Variants in F7 observed in about 807,000 individuals in gnomAD.
F7 encodes FVII coagulation protein.
A neutral mutation model predicts 47.5 loss-of-function variants in F7; 38 were observed. That is an observed-to-expected ratio of 0.80 (90% CI 0.62 to 1.05). F7 has a LOEUF of 1.05. Ranked by LOEUF, F7 falls within the 50% of genes least tolerant of loss-of-function variation. The pLI is 0.00. For missense variants in F7, 575 were observed against 605.4 expected, an observed-to-expected ratio of 0.95 and a Z score of 0.53; for synonymous variants, 244 against 258.5, an observed-to-expected ratio of 0.94 and a Z score of 0.54.
rs545778020 is a variant in F7, at chr13:113,106,188, C to T, written c.64+283C>T. Among the ~76,000 whole-genome samples, 21 of 145,276 alleles carry T rather than the reference C, an allele frequency of 1.4e-4. 1 individual carries two copies. The highest frequency in any genetic ancestry group is 2.9e-4 in the Non-Finnish European group (19 of 66,542). ...CCCCATGGGCCCCTGCCTGTGAGGTCGGACAAGCGCAGGGAGTCTGGGGCC... is the reference window on the plus strand; with the variant it reads ...CCCCATGGGCCCCTGCCTGTGAGGTTGGACAAGCGCAGGGAGTCTGGGGCC... On this transcript the variant is annotated intron_variant, in intron 1 of 7. Transcript: ENST00000346342.
At chr13:113,110,468 C>T (rs1257691879) in intron 1 of F7, 2 of 553,748 alleles carry the variant, frequency 3.6e-6, no homozygotes, top group Non-Finnish European at 6.1e-6. Context: ...TCGGGATCAG[C>T]CCCCGGAAGC....
chr13:113,113,164 C>G lies in F7; in HGVS notation c.226-588C>G, dbSNP rs1167977576. ...TCAGGACACCTCATGCTCAAAGAAG[C>G]CTCACACTCACAGGAGGTCCAGCTG... On this transcript the variant is annotated intron_variant, in intron 2 of 7. Coordinates refer to ENST00000346342, the MANE Select transcript of F7 (RefSeq NM_019616.4). The surrounding 1 kb of genome is among the most constrained non-coding windows in gnomAD (Gnocchi z 4.1). Among the ~76,000 whole-genome samples, 2 of 152,166 alleles carry G rather than the reference C, an allele frequency of 1.3e-5. No individual in the cohort carries two copies. Among genetic ancestry groups the G allele is most frequent in the Non-Finnish European group, 2.9e-5 (2 of 68,028 alleles).
At position 113,119,263 on chromosome 13, in the gene F7, A is replaced by G; in HGVS notation, c.*255A>G. ...ACTAATAGAGACACAGAGATGGAAT[A>G]GAAAAGATGAGAGGCAGAGGCAGAC... On this transcript the variant is annotated 3_prime_UTR_variant, in exon 8 of 8. Transcript: ENST00000346342. The G allele has an allele frequency of 1.8e-6, 1 of 541,822 alleles. No homozygotes were observed. The highest frequency in any genetic ancestry group is 3.3e-6 in the Non-Finnish European group (1 of 304,850). The allele number at this position is 541,822 out of a possible 1,614,324, so 33.6% of individuals were successfully genotyped here. A position where few individuals can be genotyped will look rare whatever the true frequency, so the allele number is the denominator to read the frequency against.
chr13:113,118,422 A>G lies in F7; in HGVS notation c.749A>G (p.Asp250Gly). Reference sequence around the variant, plus strand: ...GGCTTCTTCCTTCCAGGCGAGCACGACCTCAGCGAGCACGACGGGGATGAG... The same window carrying G: ...GGCTTCTTCCTTCCAGGCGAGCACGGCCTCAGCGAGCACGACGGGGATGAG... ...RNLIAVLGEH[D>G]LSEHDGDEQS... The change falls in exon 8 of 8, where the codon GAC (aspartate) becomes GGC (glycine). Residue 250 changes from aspartate (D) to glycine (G), a missense_variant. Physicochemically the swap from Asp to Gly is moderately conservative, Grantham distance 94 (BLOSUM62 -1). Transcript: ENST00000346342. 6.3e-7 allele frequency: 1 copy of G among 1,596,092 alleles called. No homozygotes were observed. Among genetic ancestry groups the G allele is most frequent in the Non-Finnish European group, 8.5e-7 (1 of 1,171,658 alleles).
intron 1 of F7, among the ~76,000 whole-genome samples, chr13:113,109,423 C>T (rs1211650067): frequency 1.3e-5 from 2 of 152,130 alleles, no homozygotes; most frequent in African/African-American, 4.8e-5. Context: ...CCAAACCAGA[C>T]CAGTTCTCTA....
chr13:113,120,295 C>T lies in F7; in HGVS notation c.*1287C>T, dbSNP rs931561012. On this transcript the variant is annotated 3_prime_UTR_variant, in exon 8 of 8. Transcript: ENST00000346342. ...TCAAGAGTCAGGGACACACGCATCACTAAATGCAAGTTCCCAGGCCCTGGC... is the reference window on the plus strand; with the variant it reads ...TCAAGAGTCAGGGACACACGCATCATTAAATGCAAGTTCCCAGGCCCTGGC... 1 of 152,330 alleles carries T rather than the reference C, an allele frequency of 6.6e-6. No individual in the cohort carries two copies. The highest frequency in any genetic ancestry group is 1.5e-5 in the Non-Finnish European group (1 of 68,084). 9.4% of individuals were successfully genotyped at this position (152,330 alleles called of 1,614,324 possible). A position where few individuals can be genotyped will look rare whatever the true frequency, so the allele number is the denominator to read the frequency against.
At chr13:113,116,598 C>A (rs755038915) in intron 5 of F7, among the ~76,000 whole-genome samples, 168 bp from the exon 6 acceptor site, 1 of 152,226 alleles carries the variant, frequency 6.6e-6, no homozygotes, top group Middle Eastern at 3.2e-3. Flanking sequence ...CAGGCCCAGC[C>A]GAGGCCCTGC....
intron 1 of F7, 187 bp from the exon 2 acceptor site, chr13:113,110,503 G>C: frequency 1.4e-6 from 1 of 717,876 alleles, no homozygotes; most frequent in Non-Finnish European, 2.2e-6. Context: ...GGGAAGGATG[G>C]GCGACGGGGG....
In F7 at chr13:113,117,589, G is replaced by A. The variant is rs758103521; in HGVS notation, c.732G>A (p.Ala244=). ...DKIKNWRNLI[A]VLGEHDLSEH... is the part of the protein sequence containing the mutation. ...TCAAGAACTGGAGGAACCTGATCGC[G>A]GTGCTGGGTGGGTACCACTCTCCCC... The change falls in exon 7 of 8, where the codon GCG becomes GCA. Residue 244 remains alanine (A), a synonymous_variant. Transcript: ENST00000346342. 1.1e-5 allele frequency: 17 copies of A among 1,602,624 alleles called. No individual in the cohort carries two copies. The highest frequency in any genetic ancestry group is 4.0e-5 in the African/African-American group (3 of 74,818).
Position 113,119,636 on chromosome 13 carries a change from TC to T in F7, c.*629del, listed in dbSNP as rs2036267183. 1 of 162,112 alleles carries T rather than the reference TC, an allele frequency of 6.2e-6. No individual in the cohort carries two copies. Among genetic ancestry groups the T allele is most frequent in the Admixed American group, 6.0e-5 (1 of 16,770 alleles). The allele number at this position is 162,112 out of a possible 1,614,324, so 10.0% of individuals were successfully genotyped here. Reference sequence around the variant, plus strand: ...ACGCACATGCCAATGCACGCACACATCAGTGCACACGGATGCACAGAGATAT... The same window carrying T: ...ACGCACATGCCAATGCACGCACACATAGTGCACACGGATGCACAGAGATAT... On this transcript the variant is annotated 3_prime_UTR_variant, in exon 8 of 8. Coordinates refer to ENST00000346342, the MANE Select transcript of F7 (RefSeq NM_019616.4).
chr13:113,117,449 C>T (rs760610700), intron 6 of F7, 24 bp from the exon 7 acceptor site: 1 of 1,612,802 alleles, frequency 6.2e-7, no homozygotes, highest in South Asian at 1.1e-5. Flanking sequence ...ATGTGACTTC[C>T]ACACCTCCTG....
chr13:113,105,972 C>A (rs921838167), intron 1 of F7, 67 bp downstream of exon 1: 2 of 1,449,942 alleles, frequency 1.4e-6, no homozygotes, highest in African/African-American at 1.4e-5. Flanking sequence ...GGAGCCAGCC[C>A]GGGCTTCCCA....
rs2035944009 is a variant in F7 at position 113,105,908 on chromosome 13, G to A, written c.64+3G>A. On this transcript the variant is annotated splice_donor_region_variant and intron_variant, in intron 1 of 7. Coordinates refer to ENST00000346342, the MANE Select transcript of F7 (RefSeq NM_019616.4). ...GCTTCAGGGCTGCCTGGCTGCAGGTGCGTCCGGGGAGGTTTTCTCCATAAA... is the reference window on the plus strand; with the variant it reads ...GCTTCAGGGCTGCCTGGCTGCAGGTACGTCCGGGGAGGTTTTCTCCATAAA... 1 of 1,584,652 alleles carries A rather than the reference G, an allele frequency of 6.3e-7. No homozygotes were observed. The highest frequency in any genetic ancestry group is 1.3e-5 in the African/African-American group (1 of 74,664).
At chr13:113,109,198 G>A (rs1275312998) in intron 1 of F7, among the ~76,000 whole-genome samples, 1 of 148,236 alleles carries the variant, frequency 6.7e-6, no homozygotes, top group Non-Finnish European at 1.5e-5. Context: ...TGTCCCAGGG[G>A]CGTGGGTGTC....
At chr13:113,109,123 C>T (rs796742878) in intron 1 of F7, among the ~76,000 whole-genome samples, 8 of 72,342 alleles carry the variant, frequency 1.1e-4, no homozygotes, top group East Asian at 8.8e-4. Context: ...GTGTGGGTGT[C>T]CCGGGGGCGT....
chr13:113,118,048 C>T (rs1056423509), intron 7 of F7, among the ~76,000 whole-genome samples: 1 of 152,236 alleles, frequency 6.6e-6, no homozygotes, highest in Admixed American at 6.5e-5. Context: ...ATGGGACCAC[C>T]GGCTGGCAGG....
At chr13:113,108,075 T>TC (rs1213480879) in intron 1 of F7, among the ~76,000 whole-genome samples, 1 of 214 alleles carries the variant, frequency 4.7e-3, no homozygotes, top group Non-Finnish European at 0.038. Flanking sequence ...GTCCCGGGAG[T>TC]GTGGGTGTTC....
At chr13:113,117,090 G>A in intron 6 of F7, 1 of 668,582 alleles carries the variant, frequency 1.5e-6, no homozygotes, top group South Asian at 1.6e-5. Flanking sequence ...GGTCTACCCT[G>A]TGCAGAGAAC....
At chr13:113,112,023 C>G (rs1204948781) in intron 2 of F7, among the ~76,000 whole-genome samples, 1 of 145,162 alleles carries the variant, frequency 6.9e-6, no homozygotes, top group Non-Finnish European at 1.5e-5. Context: ...CATTTCACCT[C>G]ACACTCACAG....
Sources: gnomAD v4.1 joint callset for allele counts (sites outside exome capture counted in the v4.1 genomes callset) on GRCh38, gnomAD v4.1.1 for gene constraint, Gnocchi (gnomAD v3.1) non-coding constraint, MANE v1.5 for transcripts, NCBI Gene and HGNC (gene_info 2026-07-23, HGNC 2026-07-21) for gene names.